The following TACR1 variants were observed in gnomAD, a reference collection of about 807,000 sequenced individuals.
TACR1 encodes substance-P receptor.
In TACR1, 25 loss-of-function variants were observed where a neutral mutation model predicts 35.8. That is an observed-to-expected ratio of 0.70 (90% confidence interval 0.51 to 0.98). The LOEUF is 0.98. TACR1 is among the 50% of genes least tolerant of loss of function. The pLI is 0.00. For missense variants in TACR1, 478 were observed against 522.9 expected, an observed-to-expected ratio of 0.91 and a Z score of 0.84; for synonymous variants, 195 against 206.7, an observed-to-expected ratio of 0.94 and a Z score of 0.48.
At chr2:75,118,958 G>A (rs557123957) in intron 2 of TACR1, 6 of 152,216 alleles carry the variant, frequency 3.9e-5, no homozygotes, top group East Asian at 1.9e-4. Flanking sequence ...AATAATTTTC[G>A]ATATTTCCTA....
chr2:75,170,577 G>A (rs1343257849), intron 1 of TACR1, among the ~76,000 whole-genome samples: 1 of 152,168 alleles, frequency 6.6e-6, no homozygotes, highest in East Asian at 1.9e-4. Flanking sequence ...TCAGAAGACA[G>A]GAAGATGTGG....
At chr2:75,180,034 T>C (rs931906565) in intron 1 of TACR1, among the ~76,000 whole-genome samples, 1 of 152,178 alleles carries the variant, frequency 6.6e-6, no homozygotes, top group Admixed American at 6.5e-5. Flanking sequence ...TCATTCCTGC[T>C]TTGGGGTCTT....
chr2:75,193,050 TCTC>T (rs1248154279), intron 1 of TACR1, among the ~76,000 whole-genome samples: 2 of 152,150 alleles, frequency 1.3e-5, no homozygotes, highest in East Asian at 1.9e-4. Flanking sequence ...TTTCATTCTG[TCTC>T]CTCCTTCTCT....
At chr2:75,081,452 T>C (rs1673084475) in intron 2 of TACR1, among the ~76,000 whole-genome samples, 1 of 152,200 alleles carries the variant, frequency 6.6e-6, no homozygotes, top group Non-Finnish European at 1.5e-5. Context: ...TTCTAGGGCC[T>C]GTGTGAGCCT....
intron 2 of TACR1, among the ~76,000 whole-genome samples, chr2:75,095,335 G>A (rs1673401394): frequency 6.6e-6 from 1 of 152,090 alleles, no homozygotes; most frequent in South Asian, 2.1e-4. Context: ...CAGCCTTCAG[G>A]TAATCAGCCA....
At chr2:75,103,718 C>A (rs899519604) in intron 2 of TACR1, among the ~76,000 whole-genome samples, 1 of 152,076 alleles carries the variant, frequency 6.6e-6, no homozygotes, top group Admixed American at 6.6e-5. Context: ...ACAGTAACTT[C>A]CTTCCAAAGA....
chr2:75,118,135 G>A (rs1673899868), intron 2 of TACR1, among the ~76,000 whole-genome samples: 7 of 152,190 alleles, frequency 4.6e-5, no homozygotes, highest in Admixed American at 4.6e-4. Context: ...TACTGTGAAA[G>A]TGGCAATCAT....
chr2:75,183,769 C>T (rs1485873480), intron 1 of TACR1, among the ~76,000 whole-genome samples: 2 of 152,194 alleles, frequency 1.3e-5, no homozygotes, highest in Non-Finnish European at 2.9e-5. Flanking sequence ...GTAAAATCCT[C>T]AAACTACTGT....
chr2:75,136,440 A>G (rs1239224110), intron 1 of TACR1, among the ~76,000 whole-genome samples: 3 of 152,172 alleles, frequency 2.0e-5, no homozygotes, highest in Non-Finnish European at 1.5e-5. Context: ...ACTGACAGGT[A>G]TGCACTTTTG....
At chr2:75,115,227 T>C (rs930238002) in intron 2 of TACR1, among the ~76,000 whole-genome samples, 1 of 152,062 alleles carries the variant, frequency 6.6e-6, no homozygotes, top group Non-Finnish European at 1.5e-5. Flanking sequence ...TATTAAATTA[T>C]AAAAAGATGT....
intron 1 of TACR1, among the ~76,000 whole-genome samples, chr2:75,182,934 A>G (rs999981969): frequency 1.3e-5 from 2 of 152,206 alleles, no homozygotes; most frequent in African/African-American, 4.8e-5. Flanking sequence ...AAATTATACA[A>G]TGATGTGAAT....
At chr2:75,105,650 T>G (rs4852359) in intron 2 of TACR1, among the ~76,000 whole-genome samples, 2 of 151,730 alleles carry the variant, frequency 1.3e-5, no homozygotes, top group African/African-American at 2.4e-5. Context: ...TTTTATGAGT[T>G]AAATATACTT....
At chr2:75,165,635 T>C (rs190995923) in intron 1 of TACR1, among the ~76,000 whole-genome samples, 20 of 152,230 alleles carry the variant, frequency 1.3e-4, no homozygotes, top group African/African-American at 4.3e-4. Flanking sequence ...GGTCAGAGCA[T>C]TGGGCCACTG....
In TACR1 at chr2:75,127,030, A is replaced by G. The variant is rs553685093; in HGVS notation, c.390-6262T>C. ...GTTGTGGAGAAAAGGGAACATTTAT[A>G]TACTATTGACAGAAGTAAATTTGGA... On this transcript the variant is annotated intron_variant, in intron 1 of 4. Coordinates refer to ENST00000305249, the MANE Select transcript of TACR1 (RefSeq NM_001058.4). 2.6e-5 allele frequency among the ~76,000 whole-genome samples: 4 copies of G among 152,308 alleles called. No individual in the cohort carries two copies. The South Asian group carries it at 8.3e-4, about 32-fold the overall frequency.
At chr2:75,185,093 C>T (rs1675659753) in intron 1 of TACR1, among the ~76,000 whole-genome samples, 1 of 151,726 alleles carries the variant, frequency 6.6e-6, no homozygotes, top group African/African-American at 2.4e-5. Flanking sequence ...CAGAGAAAGC[C>T]TAAATATAAA....
chr2:75,052,640 G>A (rs932996004), intron 3 of TACR1, among the ~76,000 whole-genome samples: 2 of 152,086 alleles, frequency 1.3e-5, no homozygotes, highest in African/African-American at 4.8e-5. Flanking sequence ...TGAGAACAGT[G>A]TGTATTTACT....
chr2:75,122,042 C>T (rs1673980189), intron 1 of TACR1, among the ~76,000 whole-genome samples: 1 of 152,200 alleles, frequency 6.6e-6, no homozygotes, highest in African/African-American at 2.4e-5. Context: ...CCACTGGACA[C>T]CTGCCGCACA....
intron 3 of TACR1, among the ~76,000 whole-genome samples, chr2:75,051,899 C>T (rs1672477072): frequency 6.6e-6 from 1 of 151,950 alleles, no homozygotes; most frequent in Admixed American, 6.6e-5. Context: ...GAGGAAAAGG[C>T]CTGGAACAGC....
rs1676052598 is a variant in TACR1 at position 75,198,580 on chromosome 2, T to C, written c.355A>G (p.Ser119Gly). ...NFFPIAAVFASIYSMTAVAFD... is the reference protein window; with the variant it reads ...NFFPIAAVFAGIYSMTAVAFD... ...GCCACAGCCGTCATGGAGTAGATACTGGCGAAGACAGCGGCGATGGGAAAG... is the reference window on the plus strand; with the variant it reads ...GCCACAGCCGTCATGGAGTAGATACCGGCGAAGACAGCGGCGATGGGAAAG... The change falls in exon 1 of 5, where the codon AGT becomes GGT. Residue 119 changes from serine (S) to glycine (G), a missense_variant. Transcript: ENST00000305249. The C allele has an allele frequency of 6.2e-7, 1 of 1,614,100 alleles. No homozygotes were observed. Among genetic ancestry groups the C allele is most frequent in the Non-Finnish European group, 8.5e-7 (1 of 1,179,962 alleles).
Sources: gnomAD v4.1 joint callset for allele counts (sites outside exome capture counted in the v4.1 genomes callset) on GRCh38, gnomAD v4.1.1 for gene constraint, MANE v1.5 for transcripts, NCBI Gene and HGNC (gene_info 2026-07-23, HGNC 2026-07-21) for gene names.